The following FRY variants were observed in gnomAD, a reference collection of about 807,000 sequenced individuals.
FRY encodes protein furry homolog.
In FRY, 128 loss-of-function variants were observed where a neutral mutation model predicts 348.4. That is an observed-to-expected ratio of 0.37 (90% CI 0.32 to 0.43). The LOEUF (loss-of-function observed/expected upper bound fraction) is 0.43. FRY is among the 20% of genes least tolerant of loss of function. FRY has a pLI of 1.00. For missense variants in FRY, 2,736 were observed against 3,695.2 expected, an observed-to-expected ratio of 0.74 and a Z score of 6.73; for synonymous variants, 1,370 against 1,374.7, an observed-to-expected ratio of 1.00 and a Z score of 0.08.
intron 1 of FRY, among the ~76,000 whole-genome samples, chr13:32,044,511 T>C (rs1260703079): frequency 6.6e-6 from 1 of 152,190 alleles, no homozygotes; most frequent in Non-Finnish European, 1.5e-5. Context: ...CAAATGCTAA[T>C]AAAGAAATAA....
At chr13:32,268,505 A>AAAATATATATATATAT (rs1555273232) in intron 55 of FRY, among the ~76,000 whole-genome samples, 3 of 28,298 alleles carry the variant, frequency 1.1e-4, no homozygotes, top group East Asian at 1.2e-3. Flanking sequence ...AAAAAAAAAA[A>AAAATATATATATATAT]ATATATATAT....
intron 60 of FRY, 36 bp from the exon 61 acceptor site, chr13:32,295,166 A>G: frequency 6.2e-7 from 1 of 1,607,580 alleles, no homozygotes; most frequent in South Asian, 1.1e-5. Context: ...TGTGACTAAT[A>G]GTGCCTCTAA....
chr13:32,287,861 G>C (rs535510995), intron 58 of FRY: 1 of 1,352,690 alleles, frequency 7.4e-7, no homozygotes, highest in South Asian at 1.2e-5. Context: ...CATGCTTGCT[G>C]TGTAGCAAAT....
At chr13:32,144,375 A>G (rs59568768) in intron 11 of FRY, among the ~76,000 whole-genome samples, 6,753 of 149,368 alleles carry the variant, frequency 0.045, 536 homozygotes, top group African/African-American at 0.16. Flanking sequence ...AATGGACTAT[A>G]TGAAGTAGGC....
intron 1 of FRY, among the ~76,000 whole-genome samples, chr13:32,033,051 A>G (rs1210114306): frequency 6.6e-6 from 1 of 152,232 alleles, no homozygotes; most frequent in African/African-American, 2.4e-5. Context: ...TGATATCCAT[A>G]GAAACCATTT....
chr13:32,292,611 G>C (rs754912129), intron 59 of FRY, among the ~76,000 whole-genome samples: 111 of 151,744 alleles, frequency 7.3e-4, no homozygotes, highest in Non-Finnish European at 1.1e-3. Flanking sequence ...GGCCAACATG[G>C]TGAAACCCTG....
intron 3 of FRY, among the ~76,000 whole-genome samples, chr13:32,109,875 G>T (rs1877842450): frequency 1.3e-5 from 2 of 152,200 alleles, no homozygotes; most frequent in African/African-American, 2.4e-5. Flanking sequence ...ACGTCATAAA[G>T]AGTTTAGTAT....
At chr13:32,045,195 C>G (rs1458323873) in intron 1 of FRY, among the ~76,000 whole-genome samples, 1 of 152,192 alleles carries the variant, frequency 6.6e-6, no homozygotes, top group Non-Finnish European at 1.5e-5. Context: ...CTGAATTTCG[C>G]TATTAGTCAG....
Position 32,194,311 on chromosome 13 carries a change from T to A in FRY, c.3746+14T>A, listed in dbSNP as rs1593722293. 1 of 1,612,692 alleles carries A rather than the reference T, an allele frequency of 6.2e-7. No homozygotes were observed. The highest frequency in any genetic ancestry group is 2.2e-5 in the East Asian group (1 of 44,870). ...GTGTGGAAGCAGGTACGAATTTTTA[T>A]AAGCAGTGATGAGTGGCAAGTATGT... On this transcript the variant is annotated intron_variant, in intron 29 of 60. Transcript: ENST00000542859.
chr13:32,129,049 CCT>C (rs1879196512), intron 7 of FRY, among the ~76,000 whole-genome samples: 1 of 152,102 alleles, frequency 6.6e-6, no homozygotes, highest in African/African-American at 2.4e-5. Flanking sequence ...CCATTTTCTC[CCT>C]GTGTCTTCAT....
In FRY at chr13:32,244,126, G is replaced by C. The variant is rs369792017; in HGVS notation, c.6772G>C (p.Val2258Leu). Residue 2258 changes from valine to leucine, a missense_variant, in exon 47 of 61, where the codon GTT (valine) becomes CTT (leucine). Around this residue, in one of 9 missense-constraint regions of FRY, gnomAD observed 789 missense variants for 996.2 expected, o/e 0.79. Transcript: ENST00000542859. ...TCTCAGCTACATGGACCTTTCTGTCGTTCCTGTCAAACAGTTCAATGTGGA... is the reference window on the plus strand; with the variant it reads ...TCTCAGCTACATGGACCTTTCTGTCCTTCCTGTCAAACAGTTCAATGTGGA... ...SLLSYMDLSVVPVKQFNVEVL... is the reference protein window; with the variant it reads ...SLLSYMDLSVLPVKQFNVEVL... 6.2e-7 allele frequency: 1 copy of C among 1,613,814 alleles called. No homozygotes were observed. Among genetic ancestry groups the C allele is most frequent in the Non-Finnish European group, 8.5e-7 (1 of 1,179,716 alleles).
At chr13:32,156,238 C>A (rs1056509593) in intron 15 of FRY, among the ~76,000 whole-genome samples, 22 of 152,150 alleles carry the variant, frequency 1.4e-4, no homozygotes, top group African/African-American at 5.1e-4. Flanking sequence ...ATTCTACAGA[C>A]CTGAGAGAAA....
At chr13:32,187,176 C>T (rs191206225) in intron 27 of FRY, among the ~76,000 whole-genome samples, 25 of 152,146 alleles carry the variant, frequency 1.6e-4, no homozygotes, top group African/African-American at 3.4e-4. Context: ...AAGCAAAATT[C>T]GAAAAGCTAT....
intron 55 of FRY, among the ~76,000 whole-genome samples, chr13:32,273,493 A>AT (rs1888324244): frequency 2.6e-5 from 4 of 152,274 alleles, no homozygotes; most frequent in Non-Finnish European, 5.9e-5. Flanking sequence ...AAGTGCTGGG[A>AT]TTACAGGCGT....
At chr13:32,129,072 C>G (rs1879198097) in intron 7 of FRY, among the ~76,000 whole-genome samples, 1 of 152,136 alleles carries the variant, frequency 6.6e-6, no homozygotes, top group African/African-American at 2.4e-5. Flanking sequence ...ATGGTCTTCT[C>G]TGTGTGTGTG....
At chr13:32,187,363 A>G (rs1883082786) in intron 27 of FRY, among the ~76,000 whole-genome samples, 183 bp from the exon 28 acceptor site, 1 of 152,230 alleles carries the variant, frequency 6.6e-6, no homozygotes, top group Middle Eastern at 3.2e-3. Flanking sequence ...AAAGAGCCAA[A>G]TTTGGAATCT....
chr13:32,187,271 C>A (rs1883078596), intron 27 of FRY, among the ~76,000 whole-genome samples: 1 of 152,078 alleles, frequency 6.6e-6, no homozygotes, highest in Non-Finnish European at 1.5e-5. Flanking sequence ...GTTTTGAATA[C>A]TTACTCTGAT....
At chr13:32,244,387 A>G (rs1157271433) in intron 47 of FRY, among the ~76,000 whole-genome samples, 1 of 152,096 alleles carries the variant, frequency 6.6e-6, no homozygotes, top group Non-Finnish European at 1.5e-5. Context: ...ACCCCGGCAC[A>G]CTCCGGTGCC....
In FRY at chr13:32,296,516, TCA is replaced by T. The variant is rs1044019227; in HGVS notation, c.*1057_*1058del. 6 of 152,548 alleles carry T rather than the reference TCA, an allele frequency of 3.9e-5. No individual in the cohort carries two copies. Among genetic ancestry groups the T allele is most frequent in the Admixed American group, 1.3e-4 (2 of 15,272 alleles). The allele number at this position is 152,548 out of a possible 1,614,324, so 9.4% of individuals were successfully genotyped here. On this transcript the variant is annotated 3_prime_UTR_variant, in exon 61 of 61. Coordinates refer to ENST00000542859, the MANE Select transcript of FRY (RefSeq NM_023037.3). ...AACTTGTTGCACTGCAGAAACATATTCAGAGTTTATCTATGTAACTTATTCAC... is the reference window on the plus strand; with the variant it reads ...AACTTGTTGCACTGCAGAAACATATTGAGTTTATCTATGTAACTTATTCAC...
Sources: gnomAD v4.1 joint callset for allele counts (sites outside exome capture counted in the v4.1 genomes callset) on GRCh38, gnomAD v4.1.1 for gene constraint, gnomAD v4.1.1 regional missense constraint, MANE v1.5 for transcripts, NCBI Gene and HGNC (gene_info 2026-07-23, HGNC 2026-07-21) for gene names.